Variants in LRRC4C observed in about 807,000 individuals in gnomAD.
The protein encoded by LRRC4C is leucine-rich repeat-containing protein 4C.
A neutral mutation model predicts 33.6 loss-of-function variants in LRRC4C; 5 were observed. The observed-to-expected ratio is 0.15, with a 90% CI of 0.08 to 0.31. LRRC4C has a LOEUF of 0.31. Among genes scored for constraint, LRRC4C ranks in the 10% least tolerant of loss-of-function variants. LRRC4C has a pLI of 1.00. For missense variants in LRRC4C, 560 were observed against 796.7 expected (o/e 0.70, Z 3.58); for synonymous variants, 329 against 302.0 (o/e 1.09, Z -0.93).
At chr11:41,134,470 G>A (rs1439786026) in intron 1 of LRRC4C, among the ~76,000 whole-genome samples, 2 of 152,070 alleles carry the variant, frequency 1.3e-5, no homozygotes, top group Non-Finnish European at 2.9e-5. Context: ...GTCATCCTAG[G>A]AATCTCCTCA....
At chr11:40,724,949 C>T (rs1229269023) in intron 2 of LRRC4C, among the ~76,000 whole-genome samples, 1 of 152,066 alleles carries the variant, frequency 6.6e-6, no homozygotes, top group African/African-American at 2.4e-5. Flanking sequence ...ATATGATAAC[C>T]AAGACCCCAC....
intron 1 of LRRC4C, among the ~76,000 whole-genome samples, chr11:41,057,441 C>T (rs1307704352): frequency 6.6e-6 from 1 of 152,336 alleles, no homozygotes; most frequent in South Asian, 2.1e-4. Flanking sequence ...AGGAAGCAGA[C>T]AGGTTCCTGG....
intron 1 of LRRC4C, among the ~76,000 whole-genome samples, chr11:40,996,858 G>A (rs959995824): frequency 2.6e-5 from 4 of 152,190 alleles, no homozygotes; most frequent in African/African-American, 9.6e-5. Flanking sequence ...TAATTACTGT[G>A]AGTACAGCAC....
At chr11:40,188,654 C>A (rs892669645) in intron 5 of LRRC4C, among the ~76,000 whole-genome samples, 4 of 152,090 alleles carry the variant, frequency 2.6e-5, no homozygotes, top group African/African-American at 4.8e-5. Context: ...AGGTTCCTTT[C>A]TCATGCTCTA....
At chr11:40,206,046 C>T (rs980636874) in intron 5 of LRRC4C, among the ~76,000 whole-genome samples, 1 of 151,960 alleles carries the variant, frequency 6.6e-6, no homozygotes, top group Non-Finnish European at 1.5e-5. Context: ...ACTGACAGTA[C>T]CTTGTATCCT....
At chr11:41,300,044 C>T (rs1211833344) in intron 1 of LRRC4C, among the ~76,000 whole-genome samples, 1 of 152,104 alleles carries the variant, frequency 6.6e-6, no homozygotes, top group East Asian at 1.9e-4. Flanking sequence ...AAGGTAGAAT[C>T]AAAAATAATT....
Position 40,527,756 on chromosome 11 carries a change from A to AT in LRRC4C, c.-270+120385dup, listed in dbSNP as rs74970166. Reference sequence around the variant, plus strand: ...AAAGAGAAGTTACAGTTAGAAGATAATTTTTTTTTTTGGCAGAGTGTCACT... The same window carrying AT: ...AAAGAGAAGTTACAGTTAGAAGATAATTTTTTTTTTTTGGCAGAGTGTCACT... On this transcript the variant is annotated intron_variant, in intron 3 of 6. Coordinates refer to ENST00000528697, the MANE Select transcript of LRRC4C (RefSeq NM_001258419.2). Among the ~76,000 whole-genome samples, 319 of 148,608 alleles carry AT rather than the reference A, an allele frequency of 2.1e-3. 2 individuals are homozygous for AT. In the East Asian group the frequency reaches 0.03, roughly 14 times the overall value.
At chr11:40,318,212 G>A (rs560696523) in intron 4 of LRRC4C, among the ~76,000 whole-genome samples, 10 of 152,140 alleles carry the variant, frequency 6.6e-5, no homozygotes, top group African/African-American at 1.7e-4. Flanking sequence ...TGTATTTACA[G>A]TGCTGTGGTC....
chr11:40,614,836 A>G (rs912557869), intron 3 of LRRC4C, among the ~76,000 whole-genome samples: 3 of 151,712 alleles, frequency 2.0e-5, no homozygotes, highest in Non-Finnish European at 4.4e-5. Flanking sequence ...AGTGGGTCAG[A>G]TGGAACACAC....
At chr11:40,410,948 C>T (rs962818370) in intron 3 of LRRC4C, among the ~76,000 whole-genome samples, 1 of 151,964 alleles carries the variant, frequency 6.6e-6, no homozygotes, top group Admixed American at 6.6e-5. Flanking sequence ...TAAAGTGCTG[C>T]AGTTAAAGCC....
intron 5 of LRRC4C, among the ~76,000 whole-genome samples, chr11:40,152,071 C>T (rs1858260394): frequency 6.6e-6 from 1 of 152,062 alleles, no homozygotes; most frequent in African/African-American, 2.4e-5. Context: ...AACCACAGAC[C>T]CTCTGAAGGA....
At chr11:40,742,803 G>A (rs1948222278) in intron 2 of LRRC4C, among the ~76,000 whole-genome samples, 1 of 151,874 alleles carries the variant, frequency 6.6e-6, no homozygotes, top group Non-Finnish European at 1.5e-5. Context: ...ATTTGTTTTT[G>A]AGCCTCTTTG....
intron 1 of LRRC4C, among the ~76,000 whole-genome samples, chr11:41,430,459 C>T (rs1055968376): frequency 6.6e-6 from 1 of 151,996 alleles, no homozygotes; most frequent in African/African-American, 2.4e-5. Flanking sequence ...TGTGCCAGTT[C>T]CTAGACAACT....
intron 1 of LRRC4C, among the ~76,000 whole-genome samples, chr11:41,291,245 G>T (rs548064343): frequency 5.2e-4 from 79 of 152,182 alleles, no homozygotes; most frequent in African/African-American, 1.8e-3. Context: ...AGAATGTGAG[G>T]TATAGCTGAG....
rs144374165 is a variant in LRRC4C at position 40,328,526 on chromosome 11, C to T, written c.-269-8805G>A. On this transcript the variant is annotated intron_variant, in intron 3 of 6. Coordinates refer to ENST00000528697, the MANE Select transcript of LRRC4C (RefSeq NM_001258419.2). ...CAAGTTGCATGTATATTTTAATCCA[C>T]GTCATCATACTCTTTCTGGGACTTC... 2.6e-4 allele frequency among the ~76,000 whole-genome samples: 39 copies of T among 152,140 alleles called. No individual in the cohort carries two copies. The East Asian group carries it at 4.3e-3, about 17-fold the overall frequency.
intron 2 of LRRC4C, among the ~76,000 whole-genome samples, chr11:40,778,825 G>T (rs981068305): frequency 6.6e-6 from 1 of 151,974 alleles, no homozygotes; most frequent in Non-Finnish European, 1.5e-5. Flanking sequence ...AGAATAAAAG[G>T]ATATCCAATG....
intron 3 of LRRC4C, among the ~76,000 whole-genome samples, chr11:40,473,374 C>T (rs912247324): frequency 5.9e-5 from 9 of 152,116 alleles, no homozygotes; most frequent in Non-Finnish European, 8.8e-5. Context: ...TCAATAAATG[C>T]AGAAAAGGCC....
At chr11:40,141,891 T>C (rs942561438) in intron 5 of LRRC4C, among the ~76,000 whole-genome samples, 16 of 146,058 alleles carry the variant, frequency 1.1e-4, no homozygotes, top group African/African-American at 4.0e-4. Flanking sequence ...CATAGCAATA[T>C]ATCACTAATG....
chr11:40,790,487 CT>C (rs1158545310), intron 2 of LRRC4C, among the ~76,000 whole-genome samples: 1 of 152,174 alleles, frequency 6.6e-6, no homozygotes, highest in Non-Finnish European at 1.5e-5. Flanking sequence ...TAATTTCTTC[CT>C]GCTGTGTCCG....
Sources: allele counts gnomAD v4.1 joint callset (sites outside exome capture counted in the v4.1 genomes callset), GRCh38; gene constraint gnomAD v4.1.1; transcripts MANE v1.5; gene names NCBI Gene and HGNC (gene_info 2026-07-23, HGNC 2026-07-21).